PTPRT: variants seen among roughly 807,000 people sequenced by gnomAD.
The protein encoded by PTPRT is protein tyrosine phosphatase receptor type T.
A neutral mutation model predicts 176.8 loss-of-function variants in PTPRT; 56 were observed. The ratio of observed to expected loss-of-function variants is 0.32; its 90% confidence interval spans 0.26 to 0.40. The LOEUF (loss-of-function observed/expected upper bound fraction) is 0.40, where lower values mean the gene tolerates loss of function less well. PTPRT is among the 10% of genes least tolerant of loss of function. The pLI is 1.00. For missense variants in PTPRT, 1,540 were observed against 1,908.2 expected, an observed-to-expected ratio of 0.81 and a Z score of 3.60; for synonymous variants, 783 against 739.0, an observed-to-expected ratio of 1.06 and a Z score of -0.96.
chr20:43,067,812 A>T (rs1008548151), intron 1 of PTPRT, among the ~76,000 whole-genome samples: 4 of 150,042 alleles, frequency 2.7e-5, no homozygotes, highest in South Asian at 2.2e-4. Flanking sequence ...AAAACTTTTT[A>T]AAAAATAGCT....
chr20:43,145,980 C>T (rs2014155115), intron 1 of PTPRT, among the ~76,000 whole-genome samples: 1 of 151,984 alleles, frequency 6.6e-6, no homozygotes, highest in Non-Finnish European at 1.5e-5. Flanking sequence ...TTTAAAATAC[C>T]CCCAAATATT....
intron 12 of PTPRT, among the ~76,000 whole-genome samples, chr20:42,297,090 TATA>T (rs1336417312): frequency 1.3e-5 from 2 of 152,074 alleles, no homozygotes; most frequent in Admixed American, 1.3e-4. Context: ...ATAATAAAGA[TATA>T]GTAGTGATCC....
At chr20:42,442,228 CA>C (rs1192540972) in intron 9 of PTPRT, among the ~76,000 whole-genome samples, 2 of 152,314 alleles carry the variant, frequency 1.3e-5, no homozygotes, top group Admixed American at 1.3e-4. Flanking sequence ...TCGTTCTGTT[CA>C]GAACTCCTGT....
At chr20:42,412,650 C>T (rs1252006846) in intron 9 of PTPRT, among the ~76,000 whole-genome samples, 1 of 152,204 alleles carries the variant, frequency 6.6e-6, no homozygotes, top group Non-Finnish European at 1.5e-5. Context: ...GGGAACAACA[C>T]AGATTTCTAT....
intron 26 of PTPRT, among the ~76,000 whole-genome samples, chr20:42,101,149 A>G (rs1272898017): frequency 6.6e-6 from 1 of 152,186 alleles, no homozygotes; most frequent in African/African-American, 2.4e-5. Flanking sequence ...AGGGCTCATT[A>G]TATCAGGCAA....
At chr20:42,356,162 G>A (rs1055161603) in intron 9 of PTPRT, among the ~76,000 whole-genome samples, 8 of 152,126 alleles carry the variant, frequency 5.3e-5, no homozygotes, top group Non-Finnish European at 1.0e-4. Context: ...ATGGGAGGGA[G>A]CTGTGGCTGT....
intron 16 of PTPRT, among the ~76,000 whole-genome samples, chr20:42,171,905 A>G (rs972107057): frequency 5.3e-5 from 8 of 152,182 alleles, no homozygotes; most frequent in African/African-American, 1.9e-4. Context: ...CCTCCACTAA[A>G]GACGAACTCA....
At chr20:42,469,865 G>C (rs997873994) in intron 8 of PTPRT, among the ~76,000 whole-genome samples, 1 of 152,090 alleles carries the variant, frequency 6.6e-6, no homozygotes, top group Non-Finnish European at 1.5e-5. Context: ...AGGGTGAGAA[G>C]AGGCTGGCAC....
At chr20:42,831,235 A>G (rs79323080) in intron 2 of PTPRT, among the ~76,000 whole-genome samples, 1 of 152,142 alleles carries the variant, frequency 6.6e-6, no homozygotes, top group South Asian at 2.1e-4. Context: ...CACACCTACA[A>G]CCATCTGATT....
At chr20:43,068,299 T>C (rs957301489) in intron 1 of PTPRT, among the ~76,000 whole-genome samples, 12 of 149,416 alleles carry the variant, frequency 8.0e-5, no homozygotes, top group African/African-American at 1.2e-4. Flanking sequence ...GGTCAGGAGA[T>C]CGAGACTATC....
intron 15 of PTPRT, among the ~76,000 whole-genome samples, chr20:42,210,046 C>A (rs1283815230): frequency 6.6e-6 from 1 of 152,228 alleles, no homozygotes; most frequent in African/African-American, 2.4e-5. Flanking sequence ...AAGACAAAAA[C>A]CACATGATTA....
intron 2 of PTPRT, among the ~76,000 whole-genome samples, chr20:42,825,349 G>A (rs1281514850): frequency 2.6e-5 from 4 of 151,986 alleles, no homozygotes; most frequent in Non-Finnish European, 4.4e-5. Flanking sequence ...CAAGTGTAAG[G>A]ACGTAATTAA....
At chr20:42,840,853 G>A (rs770881576) in intron 2 of PTPRT, among the ~76,000 whole-genome samples, 42 of 152,226 alleles carry the variant, frequency 2.8e-4, no homozygotes, top group South Asian at 6.2e-4. Context: ...TTGCTACTTG[G>A]AGCCCAGCAT....
At chr20:43,064,778 T>C (rs757271674) in intron 1 of PTPRT, among the ~76,000 whole-genome samples, 44 of 152,310 alleles carry the variant, frequency 2.9e-4, no homozygotes, top group Non-Finnish European at 6.2e-4. Context: ...CTGCTTATCA[T>C]GAGGTTCTGA....
intron 9 of PTPRT, among the ~76,000 whole-genome samples, chr20:42,411,723 A>G (rs1466485224): frequency 2.6e-5 from 4 of 152,186 alleles, no homozygotes; most frequent in African/African-American, 7.2e-5. Flanking sequence ...GATAGCACAG[A>G]TGAAATAAAC....
intron 9 of PTPRT, among the ~76,000 whole-genome samples, chr20:42,426,353 G>A (rs2059163873): frequency 6.6e-6 from 1 of 152,066 alleles, no homozygotes; most frequent in African/African-American, 2.4e-5. Flanking sequence ...GTTCAGCTGG[G>A]GATGTTCAGA....
chr20:42,220,936 G>C (rs1020164510), intron 15 of PTPRT, among the ~76,000 whole-genome samples: 10 of 152,132 alleles, frequency 6.6e-5, no homozygotes, highest in African/African-American at 2.4e-4. Context: ...GAATGATCTT[G>C]CTCCTGTTTT....
intron 9 of PTPRT, among the ~76,000 whole-genome samples, chr20:42,396,399 T>C (rs764246266): frequency 6.6e-6 from 1 of 152,184 alleles, no homozygotes; most frequent in Non-Finnish European, 1.5e-5. Flanking sequence ...GCAGCCTCTC[T>C]ACTTCTATCC....
At chr20:42,270,588 G>T (rs547529558) in intron 13 of PTPRT, 4 of 682,542 alleles carry the variant, frequency 5.9e-6, no homozygotes, top group Non-Finnish European at 1.0e-5. Flanking sequence ...AATAGCAAAA[G>T]AACATCATGA....
Sources: gnomAD v4.1 joint callset for allele counts (sites outside exome capture counted in the v4.1 genomes callset) on GRCh38, gnomAD v4.1.1 for gene constraint, MANE v1.5 for transcripts, NCBI Gene and HGNC (gene_info 2026-07-23, HGNC 2026-07-21) for gene names.